The following ITFG1 variants were observed in gnomAD, a reference collection of about 807,000 sequenced individuals.
The protein encoded by ITFG1 is integrin alpha FG-GAP repeat containing 1.
A neutral mutation model predicts 81.8 loss-of-function variants in ITFG1; 34 were observed. That is an observed-to-expected ratio of 0.42 (90% CI 0.32 to 0.55). The LOEUF (loss-of-function observed/expected upper bound fraction) is 0.55, where lower values mean the gene tolerates loss of function less well. Ranked by LOEUF, ITFG1 falls within the 20% of genes least tolerant of loss-of-function variation. The probability of loss-of-function intolerance (pLI) is 0.17; values close to 1 mark genes in which losing one functional copy is unlikely to be tolerated. For synonymous variants in ITFG1, 285 were observed against 270.6 expected, an observed-to-expected ratio of 1.05 and a Z score of -0.52; for missense variants, 672 against 755.4, an observed-to-expected ratio of 0.89 and a Z score of 1.29.
chr16:47,289,646 G>T (rs1567447102), intron 10 of ITFG1, among the ~76,000 whole-genome samples: 1 of 151,952 alleles, frequency 6.6e-6, no homozygotes, highest in African/African-American at 2.4e-5. Flanking sequence ...ATAGTTGTTT[G>T]TAATAGTCTC....
chr16:47,407,288 ATGAGCAGGATTTCCTTGCAGACTTGATAT>A (rs1567489388), intron 6 of ITFG1, among the ~76,000 whole-genome samples: 1 of 152,198 alleles, frequency 6.6e-6, no homozygotes, highest in Non-Finnish European at 1.5e-5. Context: ...CAAAGGAAGA[ATGAGCAGGATTTCCTTGCAGACTTGATAT>A]TGGGTGTGAC....
chr16:47,387,914 T>A (rs1447592844), intron 6 of ITFG1, among the ~76,000 whole-genome samples: 5 of 151,726 alleles, frequency 3.3e-5, no homozygotes, highest in Non-Finnish European at 1.5e-5. Flanking sequence ...ACAAAAACTT[T>A]AAAGCAGCCA....
At chr16:47,419,186 T>C (rs1448805327) in intron 6 of ITFG1, among the ~76,000 whole-genome samples, 5 of 152,238 alleles carry the variant, frequency 3.3e-5, no homozygotes, top group Non-Finnish European at 5.9e-5. Flanking sequence ...TCTGTCTATG[T>C]TGTCCAAGGT....
intron 14 of ITFG1, among the ~76,000 whole-genome samples, chr16:47,214,525 T>C (rs1035328251): frequency 2.6e-5 from 4 of 152,218 alleles, no homozygotes; most frequent in Admixed American, 6.5e-5. Flanking sequence ...TGGATGCCCA[T>C]TGCAGATCCC....
rs1233283179 is a variant in ITFG1, at chr16:47,280,631, T to C, written c.1071-19936A>G. 5.3e-5 allele frequency among the ~76,000 whole-genome samples: 8 copies of C among 152,282 alleles called. No homozygotes were observed. In the South Asian group the frequency reaches 1.5e-3, roughly 28 times the overall value. On this transcript the variant is annotated intron_variant, in intron 10 of 17. Transcript: ENST00000320640. ...TTCCAATTATCTGAGTTTATGCTAA[T>C]GAGATGAGCTATCTCATCTATCTTG... is the stretch of plus-strand genomic sequence containing the variant.
Position 47,454,031 on chromosome 16 carries a change from C to A in ITFG1, c.409G>T (p.Gly137Ter). The A allele has an allele frequency of 6.2e-7, 1 of 1,602,120 alleles. No homozygotes were observed. Among genetic ancestry groups the A allele is most frequent in the Non-Finnish European group, 8.5e-7 (1 of 1,174,150 alleles). Residue 137 changes from glycine to a stop codon, truncating the protein, a stop_gained, in exon 3 of 18, where the codon GGA becomes TGA. Transcript: ENST00000320640. LOFTEE classifies it high-confidence loss of function. Reference sequence around the variant, plus strand: ...AATTCACCTAATGTTTGATTTTGTCCCCAGAAGATAACAGCTCCTAATTCA... The same window carrying A: ...AATTCACCTAATGTTTGATTTTGTCACCAGAAGATAACAGCTCCTAATTCA... Reference protein sequence around the residue: ...KSELGAVIFWGQNQTLDPNNM... With the variant: ...KSELGAVIFW
chr16:47,266,996 G>A (rs950164404), intron 10 of ITFG1, among the ~76,000 whole-genome samples: 5 of 152,160 alleles, frequency 3.3e-5, no homozygotes, highest in African/African-American at 4.8e-5. Flanking sequence ...AATCTATAGC[G>A]ATGGAAAGTA....
intron 8 of ITFG1, among the ~76,000 whole-genome samples, chr16:47,327,159 G>A (rs1967560090): frequency 6.6e-6 from 1 of 152,124 alleles, no homozygotes; most frequent in Non-Finnish European, 1.5e-5. Flanking sequence ...AGAGCCCTCA[G>A]AAATAATGTC....
intron 8 of ITFG1, among the ~76,000 whole-genome samples, chr16:47,351,279 T>A (rs554130924): frequency 6.6e-6 from 1 of 152,362 alleles, no homozygotes; most frequent in Non-Finnish European, 1.5e-5. Context: ...TTGTCCCTGT[T>A]TGCAGATGAC....
chr16:47,389,926 T>C (rs1968509618), intron 6 of ITFG1, among the ~76,000 whole-genome samples: 2 of 152,214 alleles, frequency 1.3e-5, no homozygotes, highest in African/African-American at 2.4e-5. Flanking sequence ...AACTCAACTG[T>C]TGCAATAAGA....
At chr16:47,290,114 T>A (rs1240239624) in intron 10 of ITFG1, among the ~76,000 whole-genome samples, 1 of 152,178 alleles carries the variant, frequency 6.6e-6, no homozygotes, top group African/African-American at 2.4e-5. Context: ...AATTTCCATA[T>A]ATTTGCACAA....
chr16:47,155,254 T>A lies in ITFG1; in HGVS notation c.*465A>T, dbSNP rs1415125804. ...TACCCGATCACTATATTGTATGCCA[T>A]CAGTGAGACCCCTGACCTGCTGTGA... On this transcript the variant is annotated 3_prime_UTR_variant, in exon 18 of 18. Coordinates refer to ENST00000320640, the MANE Select transcript of ITFG1 (RefSeq NM_030790.5). 1 of 153,062 alleles carries A rather than the reference T, an allele frequency of 6.5e-6. No homozygotes were observed. Among genetic ancestry groups the A allele is most frequent in the East Asian group, 1.9e-4 (1 of 5,240 alleles). The allele number at this position is 153,062 out of a possible 1,614,324, so 9.5% of individuals were successfully genotyped here.
At chr16:47,287,487 A>T (rs1266759687) in intron 10 of ITFG1, among the ~76,000 whole-genome samples, 4 of 151,538 alleles carry the variant, frequency 2.6e-5, no homozygotes, top group Admixed American at 2.0e-4. Flanking sequence ...TGCAGCCTTG[A>T]CCTCCTGGGC....
chr16:47,282,440 T>C (rs543352866), intron 10 of ITFG1, among the ~76,000 whole-genome samples: 11 of 152,266 alleles, frequency 7.2e-5, no homozygotes, highest in African/African-American at 2.6e-4. Flanking sequence ...AGATGAGTCG[T>C]ATTCCATGGT....
chr16:47,418,442 G>C (rs1968900359), intron 6 of ITFG1, among the ~76,000 whole-genome samples: 1 of 151,774 alleles, frequency 6.6e-6, no homozygotes, highest in Non-Finnish European at 1.5e-5. Flanking sequence ...TTGTTTTTGA[G>C]CTTTTGAACT....
intron 10 of ITFG1, chr16:47,262,888 C>G (rs1966227497): frequency 6.5e-6 from 1 of 154,386 alleles, no homozygotes; most frequent in Non-Finnish European, 1.4e-5. Flanking sequence ...AATCACCACC[C>G]TGGTCTTCAA....
At chr16:47,178,308 T>C (rs1216133889) in intron 14 of ITFG1, among the ~76,000 whole-genome samples, 3 of 152,244 alleles carry the variant, frequency 2.0e-5, no homozygotes, top group Admixed American at 6.5e-5. Flanking sequence ...TGAGTGGATT[T>C]TGTGACAAAA....
intron 8 of ITFG1, among the ~76,000 whole-genome samples, chr16:47,344,742 G>C (rs1454456590): frequency 1.3e-5 from 2 of 152,142 alleles, no homozygotes; most frequent in African/African-American, 4.8e-5. Flanking sequence ...CTCAGCCTCT[G>C]ATAACCATCC....
intron 8 of ITFG1, among the ~76,000 whole-genome samples, chr16:47,325,880 A>T (rs1433433017): frequency 6.6e-6 from 1 of 152,226 alleles, no homozygotes; most frequent in Non-Finnish European, 1.5e-5. Flanking sequence ...TTCACAGCCA[A>T]ATTCTACCTG....
Sources: gnomAD v4.1 joint callset for allele counts (sites outside exome capture counted in the v4.1 genomes callset) on GRCh38, gnomAD v4.1.1 for gene constraint, MANE v1.5 for transcripts, NCBI Gene and HGNC (gene_info 2026-07-23, HGNC 2026-07-21) for gene names.